LRGUK: variants seen among roughly 807,000 people sequenced by gnomAD.
LRGUK encodes the protein leucine rich repeats and guanylate kinase domain containing.
In LRGUK, 65 loss-of-function variants were observed where a neutral mutation model predicts 76.0. The ratio of observed to expected loss-of-function variants is 0.85; its 90% CI spans 0.70 to 1.05. LRGUK has a LOEUF of 1.05. Ranked by LOEUF, LRGUK falls within the 50% of genes least tolerant of loss-of-function variation. The probability of loss-of-function intolerance (pLI) is 0.00; values close to 1 mark genes in which losing one functional copy is unlikely to be tolerated. For synonymous variants in LRGUK, 268 were observed against 265.6 expected (o/e 1.01, Z -0.09); for missense variants, 758 against 732.8 (o/e 1.03, Z -0.40).
chr7:134,142,256 C>T (rs1315317596), intron 3 of LRGUK, among the ~76,000 whole-genome samples: 1 of 152,192 alleles, frequency 6.6e-6, no homozygotes, highest in African/African-American at 2.4e-5. Context: ...AAAGGACTTA[C>T]TAGTAGAGAC....
rs182393886 is a variant in LRGUK, at chr7:134,219,839, A to G, written c.1844-1940A>G. On this transcript the variant is annotated intron_variant, in intron 15 of 19. Transcript: ENST00000285928. ...GATCTAGTTTCCCCCAGATGCTTGA[A>G]TGCTGTTCTTCTTTATGCCTTTTAA... is the stretch of plus-strand genomic sequence containing the variant. 3.3e-5 allele frequency among the ~76,000 whole-genome samples: 5 copies of G among 152,172 alleles called. No individual in the cohort carries two copies. The East Asian group carries it at 9.7e-4, about 29-fold the overall frequency.
intron 7 of LRGUK, among the ~76,000 whole-genome samples, chr7:134,165,895 G>A (rs1487678626): frequency 2.6e-5 from 4 of 152,136 alleles, no homozygotes; most frequent in Non-Finnish European, 2.9e-5. Flanking sequence ...GTATCATCAC[G>A]TGAAGAAAGG....
intron 2 of LRGUK, 61 bp downstream of exon 2, chr7:134,137,191 T>A: frequency 1.6e-6 from 2 of 1,214,346 alleles, no homozygotes; most frequent in East Asian, 5.0e-5. Context: ...ACCATATTCA[T>A]TTTCTTCAGT....
chr7:134,165,394 C>T (rs543672198), intron 7 of LRGUK, among the ~76,000 whole-genome samples: 1 of 152,110 alleles, frequency 6.6e-6, no homozygotes, highest in Non-Finnish European at 1.5e-5. Flanking sequence ...TGTTCTTAAC[C>T]TCTGCAGGGT....
At chr7:134,171,471 C>T (rs917355784) in intron 7 of LRGUK, among the ~76,000 whole-genome samples, 84 of 151,448 alleles carry the variant, frequency 5.5e-4, no homozygotes, top group African/African-American at 2.0e-3. Flanking sequence ...AATGTATATT[C>T]ACATATATAA....
chr7:134,165,677 A>T (rs1422757676), intron 7 of LRGUK, among the ~76,000 whole-genome samples: 2 of 152,158 alleles, frequency 1.3e-5, no homozygotes, highest in Non-Finnish European at 2.9e-5. Flanking sequence ...TTTCATACTA[A>T]GTTTCTGACA....
chr7:134,204,946 G>C (rs957907518), intron 15 of LRGUK, among the ~76,000 whole-genome samples: 1 of 152,220 alleles, frequency 6.6e-6, no homozygotes, highest in African/African-American at 2.4e-5. Flanking sequence ...CTGACTTCAA[G>C]AATGGAGCCG....
chr7:134,276,078 G>A, the LRGUK span, among the ~76,000 whole-genome samples: 1 of 152,150 alleles, frequency 6.6e-6, no homozygotes, highest in Non-Finnish European at 1.5e-5. Flanking sequence ...AGCTTTTCTT[G>A]ATAATGACTT....
chr7:134,193,556 C>T (rs1002513743), intron 12 of LRGUK, among the ~76,000 whole-genome samples: 2 of 152,106 alleles, frequency 1.3e-5, no homozygotes, highest in Admixed American at 6.5e-5. Context: ...CTACAGAAAT[C>T]CTCCTGTGTT....
At chr7:134,226,151 T>C (rs1329943893) in intron 16 of LRGUK, among the ~76,000 whole-genome samples, 8 of 152,168 alleles carry the variant, frequency 5.3e-5, no homozygotes, top group African/African-American at 1.9e-4. Flanking sequence ...AATGTGTTTA[T>C]ATTTTCTTTT....
At chr7:134,140,515 T>G (rs1327498845) in intron 3 of LRGUK, among the ~76,000 whole-genome samples, 1 of 152,200 alleles carries the variant, frequency 6.6e-6, no homozygotes, top group Non-Finnish European at 1.5e-5. Context: ...TTTCTGATCT[T>G]ATTTGAAGTT....
chr7:134,166,664 G>T (rs902614977), intron 7 of LRGUK, among the ~76,000 whole-genome samples: 3 of 152,156 alleles, frequency 2.0e-5, no homozygotes, highest in African/African-American at 7.2e-5. Context: ...TCCATTCTTT[G>T]CAGTGCTCTG....
chr7:134,176,644 T>C (rs1411252001), intron 8 of LRGUK, among the ~76,000 whole-genome samples: 1 of 152,152 alleles, frequency 6.6e-6, no homozygotes, highest in Non-Finnish European at 1.5e-5. Context: ...CCTCGCAAAG[T>C]GCTGGGATTA....
intron 18 of LRGUK, among the ~76,000 whole-genome samples, chr7:134,256,103 C>T (rs1802571668): frequency 1.3e-5 from 2 of 152,086 alleles, no homozygotes; most frequent in South Asian, 4.1e-4. Context: ...CTCATGCTTC[C>T]CTGCTCCTGC....
At chr7:134,170,285 T>C (rs1390932607) in intron 7 of LRGUK, among the ~76,000 whole-genome samples, 4 of 152,094 alleles carry the variant, frequency 2.6e-5, no homozygotes, top group African/African-American at 9.6e-5. Flanking sequence ...TCTTTGTGTC[T>C]CCCTTTATTA....
Position 134,148,368 on chromosome 7 carries a change from T to G in LRGUK, c.670+49T>G, listed in dbSNP as rs955046055. 5 of 1,083,672 alleles carry G rather than the reference T, an allele frequency of 4.6e-6. No individual in the cohort carries two copies. The Admixed American group carries it at 6.4e-5, about 14-fold the overall frequency. The allele number at this position is 1,083,672 out of a possible 1,614,324, so 67.1% of individuals were successfully genotyped here. A position where few individuals can be genotyped will look rare whatever the true frequency, so the allele number is the denominator to read the frequency against. On this transcript the variant is annotated intron_variant, in intron 5 of 15. Coordinates refer to ENST00000645682, the Ensembl canonical transcript of LRGUK. ...GAAAATTTTAAAAACAATATAAAAA[T>G]TAAAGACTACATATTCAAGAATTGT...
intron 15 of LRGUK, among the ~76,000 whole-genome samples, chr7:134,203,760 G>A (rs1191201160): frequency 6.6e-6 from 1 of 152,162 alleles, no homozygotes; most frequent in Non-Finnish European, 1.5e-5. Context: ...ATCCAGCCCT[G>A]CTCAGAATCT....
intron 1 of LRGUK, among the ~76,000 whole-genome samples, chr7:134,128,371 C>T (rs1297815734): frequency 6.6e-6 from 1 of 152,192 alleles, no homozygotes; most frequent in Non-Finnish European, 1.5e-5. Flanking sequence ...CTCCTTTCTA[C>T]AATATCTCTT....
At chr7:134,195,005 T>A (rs1800420225) in intron 12 of LRGUK, among the ~76,000 whole-genome samples, 1 of 152,054 alleles carries the variant, frequency 6.6e-6, no homozygotes, top group Admixed American at 6.6e-5. Flanking sequence ...TAAGGACAAC[T>A]TAGTGGGTGG....
Sources: gnomAD v4.1 joint callset for allele counts (sites outside exome capture counted in the v4.1 genomes callset) on GRCh38, gnomAD v4.1.1 for gene constraint, MANE v1.5 for transcripts, NCBI Gene and HGNC (gene_info 2026-07-23, HGNC 2026-07-21) for gene names.